SIM2: variants seen among roughly 807,000 people sequenced by gnomAD.
SIM2 encodes single-minded homolog 2.
In SIM2, 28 loss-of-function variants were observed where a neutral mutation model predicts 64.8. That is an observed-to-expected ratio of 0.43 (90% CI 0.32 to 0.59). The LOEUF (loss-of-function observed/expected upper bound fraction) is 0.59. Among genes scored for constraint, SIM2 ranks in the 20% least tolerant of loss-of-function variants. SIM2 has a pLI of 0.07. For missense variants in SIM2, 847 were observed against 871.4 expected (o/e 0.97, Z 0.35); for synonymous variants, 408 against 391.1 (o/e 1.04, Z -0.51).
Position 36,699,812 on chromosome 21 carries a change from G to T in SIM2, c.66G>T (p.Glu22Asp). 1 of 1,612,118 alleles carries T rather than the reference G, an allele frequency of 6.2e-7. No individual in the cohort carries two copies. The highest frequency in any genetic ancestry group is 8.5e-7 in the Non-Finnish European group (1 of 1,179,212). The change falls in exon 1 of 11, where the codon GAG (glutamate) becomes GAT (aspartate). Residue 22 changes from glutamate (E) to aspartate (D), a missense_variant. Glu to Asp is a conservative substitution (Grantham distance 45, BLOSUM62 2). Coordinates refer to ENST00000290399, the MANE Select transcript of SIM2 (RefSeq NM_005069.6). The surrounding 1 kb of genome is among the most constrained non-coding windows in gnomAD (Gnocchi z 5.6). ...RREKENGEFY[E>D]LAKLLPLPSA... ...AGAAGGAAAATGGCGAGTTTTACGA[G>T]CTTGCCAAGCTGCTCCCGCTGCCGT...
chr21:36,720,096 C>T, intron 4 of SIM2, 167 bp downstream of exon 4: 3 of 597,190 alleles, frequency 5.0e-6, no homozygotes, highest in Non-Finnish European at 9.0e-6. Context: ...TGGGGATTTG[C>T]ATTGATACCT....
rs1453433313 is a variant in SIM2, at chr21:36,745,987, G to C, written c.1576+851G>C. On this transcript the variant is annotated intron_variant, in intron 10 of 10. Transcript: ENST00000290399. This position sits in a 1 kb window ranked among gnomAD's most constrained non-coding sequence, Gnocchi z 4.8. ...GACCGAGATGGTGCAGATGCCTGCA[G>C]TGCCACTAAAATGTGGGTGAAGGTG... 8.4e-7 allele frequency: 1 copy of C among 1,184,042 alleles called. No homozygotes were observed. The highest frequency in any genetic ancestry group is 1.6e-5 in the African/African-American group (1 of 63,416). The allele number at this position is 1,184,042 out of a possible 1,614,324, so 73.3% of individuals were successfully genotyped here. A position where few individuals can be genotyped will look rare whatever the true frequency, so the allele number is the denominator to read the frequency against.
At chr21:36,706,578 G>T (rs1000030674) in intron 1 of SIM2, among the ~76,000 whole-genome samples, 1 of 152,252 alleles carries the variant, frequency 6.6e-6, no homozygotes, top group Non-Finnish European at 1.5e-5. Context: ...TTTCGTGGGA[G>T]TGTATATCAC....
At chr21:36,729,344 C>T (rs893808948) in intron 6 of SIM2, among the ~76,000 whole-genome samples, 1 of 152,086 alleles carries the variant, frequency 6.6e-6, no homozygotes, top group African/African-American at 2.4e-5. Flanking sequence ...CCCTGAGCCC[C>T]GAATGGCTCT....
intron 7 of SIM2, among the ~76,000 whole-genome samples, chr21:36,737,550 G>GCTGT (rs1393647250): frequency 1.3e-5 from 2 of 152,190 alleles, no homozygotes; most frequent in African/African-American, 4.8e-5. Context: ...GGGACACTGG[G>GCTGT]CTGTCCATGG....
chr21:36,699,612 G>T lies in SIM2; in HGVS notation c.-135G>T, dbSNP rs1004188960. 2.1e-6 allele frequency: 2 copies of T among 958,994 alleles called. No individual in the cohort carries two copies. The allele number at this position is 958,994 out of a possible 1,614,324, so 59.4% of individuals were successfully genotyped here. On this transcript the variant is annotated 5_prime_UTR_variant, in exon 1 of 11. Coordinates refer to ENST00000290399, the MANE Select transcript of SIM2 (RefSeq NM_005069.6). This position sits in a 1 kb window ranked among gnomAD's most constrained non-coding sequence, Gnocchi z 5.6. ...GTCTCGGAACCCCGGGAGGCCCCCCGCACCTGCCCGCGGCCCACTCCGCGG... is the reference window on the plus strand; with the variant it reads ...GTCTCGGAACCCCGGGAGGCCCCCCTCACCTGCCCGCGGCCCACTCCGCGG...
rs2089255780 is a variant in SIM2 at position 36,747,955 on chromosome 21, G to C, written c.1867G>C (p.Ala623Pro). The C allele has an allele frequency of 1.0e-6, 1 of 1,003,946 alleles. No individual in the cohort carries two copies. Among genetic ancestry groups the C allele is most frequent in the Admixed American group, 6.2e-5 (1 of 16,254 alleles). 62.2% of individuals were successfully genotyped at this position (1,003,946 alleles called of 1,614,324 possible). Residue 623 changes from alanine to proline, a missense_variant, in exon 11 of 11, where the codon GCC becomes CCC. Ala to Pro is a conservative substitution (Grantham distance 27, BLOSUM62 -1). Coordinates refer to ENST00000290399, the MANE Select transcript of SIM2 (RefSeq NM_005069.6). The surrounding 1 kb of genome is among the most constrained non-coding windows in gnomAD (Gnocchi z 4.5). ...GGAAPAASGL[A>P]CAPGGPEAAT... The stretch of plus-strand genomic sequence containing the variant: ...CGCCGCACCCGCCGCCTCCGGCCTG[G>C]CCTGCGCTCCCGGCGGCCCCGAGGC...
At chr21:36,738,890 G>T (rs1013118597) in intron 7 of SIM2, among the ~76,000 whole-genome samples, 1 of 152,182 alleles carries the variant, frequency 6.6e-6, no homozygotes, top group Admixed American at 6.5e-5. Flanking sequence ...GCAGAAAAGC[G>T]CTGCTCTCTG....
intron 6 of SIM2, 61 bp from the exon 7 acceptor site, chr21:36,730,984 A>T: frequency 8.4e-7 from 1 of 1,192,308 alleles, no homozygotes; most frequent in Non-Finnish European, 1.2e-6. Context: ...AACCAATATT[A>T]GTTTAAATGA....
intron 7 of SIM2, 48 bp from the exon 8 acceptor site, chr21:36,741,669 G>T: frequency 6.2e-7 from 1 of 1,601,116 alleles, no homozygotes; most frequent in African/African-American, 1.3e-5. Context: ...CATCCCAGAG[G>T]TGGGGCCTGC....
chr21:36,739,992 GAAGAAAGAAAGAAAGAGAGAAAGAAAGA>G (rs2089135039), intron 7 of SIM2, among the ~76,000 whole-genome samples: 1 of 99,324 alleles, frequency 1.0e-5, no homozygotes. Flanking sequence ...AGAAAGAAGA[GAAGAAAGAAAGAAAGAGAGAAAGAAAGA>G]AAGAAAGAAA....
At chr21:36,709,095 G>A in intron 1 of SIM2, 73 bp from the exon 2 acceptor site, 1 of 1,377,844 alleles carries the variant, frequency 7.3e-7, no homozygotes, top group Non-Finnish European at 1.0e-6. Flanking sequence ...CAGGGGTTCC[G>A]CGTGACCTGC....
At chr21:36,737,417 T>C (rs373508785) in intron 7 of SIM2, among the ~76,000 whole-genome samples, 1 of 152,222 alleles carries the variant, frequency 6.6e-6, no homozygotes, top group East Asian at 1.9e-4. Context: ...CTTTTTCTTG[T>C]ATGTAGGGGG....
chr21:36,711,472 A>G (rs1376285728), intron 2 of SIM2, among the ~76,000 whole-genome samples: 2 of 152,262 alleles, frequency 1.3e-5, no homozygotes, highest in African/African-American at 4.8e-5. Context: ...GACTTTTTGC[A>G]GCAAACTGTA....
rs2088452595 is a variant in SIM2, at chr21:36,699,540, G to C, written c.-207G>C. ...GCTGCGCTCCGGGCAGCGGCGGGCG[G>C]CGCCGCCGGGTTGCTCGGAGCTCAG... On this transcript the variant is annotated 5_prime_UTR_variant, in exon 1 of 11. Coordinates refer to ENST00000290399, the MANE Select transcript of SIM2 (RefSeq NM_005069.6). This position sits in a 1 kb window ranked among gnomAD's most constrained non-coding sequence, Gnocchi z 5.6. 1.5e-5 allele frequency: 6 copies of C among 393,048 alleles called. No individual in the cohort carries two copies. The allele number at this position is 393,048 out of a possible 1,614,324, so 24.3% of individuals were successfully genotyped here. A position where few individuals can be genotyped will look rare whatever the true frequency, so the allele number is the denominator to read the frequency against.
chr21:36,726,328 G>A lies in SIM2; in HGVS notation c.743+10G>A, dbSNP rs768598632. 1.2e-6 allele frequency: 2 copies of A among 1,605,228 alleles called. No individual in the cohort carries two copies. Among genetic ancestry groups the A allele is most frequent in the African/African-American group, 1.3e-5 (1 of 74,962 alleles). ...TATTCCTGGATTCCAGGTGAGTTCG[G>A]CACCTGCCACAGTGGCTGTGGCCTT... On this transcript the variant is annotated intron_variant, in intron 6 of 10. Coordinates refer to ENST00000290399, the MANE Select transcript of SIM2 (RefSeq NM_005069.6). The surrounding 1 kb of genome is among the most constrained non-coding windows in gnomAD (Gnocchi z 4.5).
At chr21:36,701,476 G>A (rs2088495668) in intron 1 of SIM2, 2 of 152,180 alleles carry the variant, frequency 1.3e-5, no homozygotes, top group South Asian at 4.1e-4. Context: ...GGAGCCAGGC[G>A]CGGGCTGACC....
At chr21:36,719,113 C>G (rs773596285) in intron 3 of SIM2, among the ~76,000 whole-genome samples, 10 of 152,234 alleles carry the variant, frequency 6.6e-5, no homozygotes, top group Non-Finnish European at 1.0e-4. Context: ...ACGTGGCTCT[C>G]TGGAGCAGGC....
intron 6 of SIM2, among the ~76,000 whole-genome samples, chr21:36,730,501 T>C (rs972015504): frequency 6.6e-6 from 1 of 152,142 alleles, no homozygotes; most frequent in African/African-American, 2.4e-5. Context: ...TGGTGTTTAA[T>C]GGGGACAGAG....
Sources: gnomAD v4.1 joint callset for allele counts (sites outside exome capture counted in the v4.1 genomes callset) on GRCh38, gnomAD v4.1.1 for gene constraint, Gnocchi (gnomAD v3.1) non-coding constraint, MANE v1.5 for transcripts, NCBI Gene and HGNC (gene_info 2026-07-23, HGNC 2026-07-21) for gene names.